The following DIAPH3 variants were observed in gnomAD, a reference collection of about 807,000 sequenced individuals.
DIAPH3 encodes protein diaphanous homolog 3.
DIAPH3 carries 117 observed loss-of-function variants against 144.3 expected under a neutral mutation model. The observed-to-expected ratio is 0.81, with a 90% CI of 0.70 to 0.95. The LOEUF (loss-of-function observed/expected upper bound fraction) is 0.95, where lower values mean the gene tolerates loss of function less well. Among genes scored for constraint, DIAPH3 ranks in the 40% least tolerant of loss-of-function variants. The probability of loss-of-function intolerance (pLI) is 0.00; values close to 1 mark genes in which losing one functional copy is unlikely to be tolerated. For synonymous variants in DIAPH3, 519 were observed against 488.9 expected (o/e 1.06, Z -0.81); for missense variants, 1,421 against 1,412.7 (o/e 1.01, Z -0.09).
intron 21 of DIAPH3, among the ~76,000 whole-genome samples, chr13:59,872,437 T>C (rs981003578): frequency 1.7e-4 from 26 of 152,188 alleles, no homozygotes; most frequent in Non-Finnish European, 2.8e-4. Context: ...CTGGTGGTGG[T>C]GGATTCTGTA....
chr13:60,056,613 A>G (rs2056569957), intron 4 of DIAPH3, among the ~76,000 whole-genome samples: 1 of 151,866 alleles, frequency 6.6e-6, no homozygotes, highest in African/African-American at 2.4e-5. Flanking sequence ...AGGAACTACA[A>G]GGAACTTGGG....
intron 27 of DIAPH3, among the ~76,000 whole-genome samples, chr13:59,712,564 A>G (rs542599443): frequency 3.3e-5 from 5 of 152,230 alleles, no homozygotes; most frequent in African/African-American, 4.8e-5. Context: ...TCCATTCTCC[A>G]TATAGCTGGC....
chr13:59,749,185 G>A (rs71432775), intron 27 of DIAPH3, among the ~76,000 whole-genome samples: 35,372 of 123,598 alleles, frequency 0.29, 5,157 homozygotes, highest in African/African-American at 0.4. Context: ...CTGCACTCCA[G>A]CCTAGGTGAC....
At chr13:59,954,604 C>T (rs915320984) in intron 17 of DIAPH3, among the ~76,000 whole-genome samples, 1 of 151,990 alleles carries the variant, frequency 6.6e-6, no homozygotes, top group East Asian at 1.9e-4. Flanking sequence ...GTGTATTAGT[C>T]CATTCTCACA....
chr13:59,979,340 T>C (rs1294580572), intron 14 of DIAPH3, among the ~76,000 whole-genome samples: 1 of 151,612 alleles, frequency 6.6e-6, no homozygotes, highest in African/African-American at 2.4e-5. Flanking sequence ...TACTTGAAAG[T>C]CTACTACTAC....
At chr13:60,014,779 C>T (rs2053519869) in intron 7 of DIAPH3, among the ~76,000 whole-genome samples, 1 of 152,096 alleles carries the variant, frequency 6.6e-6, no homozygotes, top group Admixed American at 6.5e-5. Flanking sequence ...TGTCTAACAG[C>T]AACTTAAACA....
intron 18 of DIAPH3, among the ~76,000 whole-genome samples, chr13:59,918,325 T>C (rs548703860): frequency 6.6e-6 from 1 of 151,798 alleles, no homozygotes; most frequent in South Asian, 2.1e-4. Context: ...AAAATGCTCA[T>C]GGACTCTGAT....
intron 1 of DIAPH3, among the ~76,000 whole-genome samples, chr13:60,159,963 C>T (rs374662517): frequency 2.4e-4 from 37 of 152,226 alleles, no homozygotes; most frequent in African/African-American, 7.7e-4. Flanking sequence ...CGGTGGCTCA[C>T]GCCTGTAATC....
chr13:59,901,415 C>A (rs1342441133), intron 20 of DIAPH3, among the ~76,000 whole-genome samples: 1 of 152,184 alleles, frequency 6.6e-6, no homozygotes, highest in Non-Finnish European at 1.5e-5. Context: ...GAGATATCCA[C>A]ACCTCTAACT....
Position 60,010,559 on chromosome 13 carries a change from C to G in DIAPH3, c.882G>C (p.Ala294=), listed in dbSNP as rs368343145. 6.2e-7 allele frequency: 1 copy of G among 1,608,220 alleles called. No individual in the cohort carries two copies. Among genetic ancestry groups the G allele is most frequent in the Non-Finnish European group, 8.5e-7 (1 of 1,176,438 alleles). ...MMTDVVKLLS[A]VCIVGEESIL... is the part of the protein sequence containing the mutation. The stretch of plus-strand genomic sequence containing the variant: ...TGCTTTCTTCCCCTACAATGCATAC[C>G]GCAGAGAGAAGTTTAACCACATCTG... The change falls in exon 8 of 28, where the codon GCG becomes GCC. Residue 294 remains alanine, a synonymous_variant. Coordinates refer to ENST00000400324, the MANE Select transcript of DIAPH3 (RefSeq NM_001042517.2).
chr13:60,040,163 G>A (rs1361139074), intron 5 of DIAPH3, among the ~76,000 whole-genome samples: 1 of 139,910 alleles, frequency 7.1e-6, no homozygotes, highest in Non-Finnish European at 1.5e-5. Flanking sequence ...GGAGATGGAG[G>A]CTGCAGTGAT....
At chr13:59,971,844 C>T (rs1444612873) in intron 15 of DIAPH3, among the ~76,000 whole-genome samples, 1 of 152,142 alleles carries the variant, frequency 6.6e-6, no homozygotes, top group African/African-American at 2.4e-5. Context: ...ATGCTGGTCC[C>T]TCTGCCTGGA....
chr13:59,847,331 T>C (rs371257802), intron 22 of DIAPH3, among the ~76,000 whole-genome samples: 2 of 152,060 alleles, frequency 1.3e-5, no homozygotes, highest in African/African-American at 2.4e-5. Flanking sequence ...CTATGGAACA[T>C]GGAAAGAAGA....
At chr13:59,787,468 G>A (rs1480858848) in intron 25 of DIAPH3, among the ~76,000 whole-genome samples, 4 of 152,158 alleles carry the variant, frequency 2.6e-5, no homozygotes, top group Admixed American at 2.6e-4. Flanking sequence ...GTACCCTCAG[G>A]ACTTTGTGAG....
rs1005101825 is a variant in DIAPH3 at position 60,163,686 on chromosome 13, G to T, written c.81C>A (p.Leu27=). ...AGTPYPSSAS[L]RGCRESKMPR... is the part of the protein sequence containing the mutation. Reference sequence around the variant, plus strand: ...GCATCTTGCTTTCCCGGCAGCCGCGGAGAGAGGCTGAGGAAGGGTAGGGAG... The same window carrying T: ...GCATCTTGCTTTCCCGGCAGCCGCGTAGAGAGGCTGAGGAAGGGTAGGGAG... The change falls in exon 1 of 28, where the codon CTC becomes CTA. Residue 27 remains leucine (L), a synonymous_variant. Coordinates refer to ENST00000400324, the MANE Select transcript of DIAPH3 (RefSeq NM_001042517.2). 1.2e-6 allele frequency: 2 copies of T among 1,607,956 alleles called. No individual in the cohort carries two copies. Among genetic ancestry groups the T allele is most frequent in the African/African-American group, 2.7e-5 (2 of 74,852 alleles).
At chr13:59,789,875 A>G (rs2039240162) in intron 25 of DIAPH3, among the ~76,000 whole-genome samples, 1 of 152,188 alleles carries the variant, frequency 6.6e-6, no homozygotes, top group South Asian at 2.1e-4. Context: ...GGTGACTGGG[A>G]AAATGGTGGT....
At chr13:59,719,492 A>T (rs536587739) in intron 27 of DIAPH3, among the ~76,000 whole-genome samples, 1 of 152,146 alleles carries the variant, frequency 6.6e-6, no homozygotes, top group East Asian at 1.9e-4. Context: ...CTGCCTTTGG[A>T]TGTTGTTTTC....
At chr13:59,992,437 AT>A (rs2051886012) in intron 10 of DIAPH3, 35 bp downstream of exon 10, 1 of 1,509,896 alleles carries the variant, frequency 6.6e-7, no homozygotes, top group African/African-American at 1.4e-5. Context: ...TACTCTTTTA[AT>A]TTAAATATTA....
chr13:59,760,283 T>C lies in DIAPH3; in HGVS notation c.3319+13906A>G, dbSNP rs1231057013. On this transcript the variant is annotated intron_variant, in intron 27 of 27. Coordinates refer to ENST00000400324, the MANE Select transcript of DIAPH3 (RefSeq NM_001042517.2). Reference sequence around the variant, plus strand: ...CATGGGGAAAACTAAGAAAAAGTTATGAAATATGCTTTCCATCCAGTGATA... The same window carrying C: ...CATGGGGAAAACTAAGAAAAAGTTACGAAATATGCTTTCCATCCAGTGATA... 2.6e-5 allele frequency among the ~76,000 whole-genome samples: 4 copies of C among 152,258 alleles called. No homozygotes were observed. The South Asian group carries it at 6.2e-4, about 24-fold the overall frequency.
Sources: gnomAD v4.1 joint callset for allele counts (sites outside exome capture counted in the v4.1 genomes callset) on GRCh38, gnomAD v4.1.1 for gene constraint, MANE v1.5 for transcripts, NCBI Gene and HGNC (gene_info 2026-07-23, HGNC 2026-07-21) for gene names.